The following PRKG1 variants were observed in gnomAD, a reference collection of about 807,000 sequenced individuals.
The protein encoded by PRKG1 is cGMP-dependent protein kinase 1.
Under a neutral mutation model 88.1 loss-of-function variants are expected in PRKG1, and 35 were observed. The observed-to-expected ratio is 0.40, with a 90% CI of 0.30 to 0.53. The LOEUF is 0.53. Ranked by LOEUF, PRKG1 falls within the 20% of genes least tolerant of loss-of-function variation. The probability of loss-of-function intolerance (pLI) is 0.59; values close to 1 mark genes in which losing one functional copy is unlikely to be tolerated. For missense variants in PRKG1, 540 were observed against 839.8 expected, an observed-to-expected ratio of 0.64 and a Z score of 4.41; for synonymous variants, 303 against 292.5, an observed-to-expected ratio of 1.04 and a Z score of -0.37.
intron 5 of PRKG1, among the ~76,000 whole-genome samples, chr10:52,038,992 T>C (rs1200655261): frequency 6.6e-6 from 1 of 152,150 alleles, no homozygotes; most frequent in Non-Finnish European, 1.5e-5. Context: ...AGATGTTCCT[T>C]GGGCTGGTCA....
At chr10:51,652,683 G>T (rs1286374792) in intron 3 of PRKG1, among the ~76,000 whole-genome samples, 4 of 152,042 alleles carry the variant, frequency 2.6e-5, no homozygotes, top group African/African-American at 7.2e-5. Context: ...AATACATTGT[G>T]GAGTGATTAA....
chr10:51,437,360 C>T (rs778172145), intron 2 of PRKG1, among the ~76,000 whole-genome samples: 17 of 152,076 alleles, frequency 1.1e-4, no homozygotes, highest in South Asian at 2.1e-4. Flanking sequence ...GATATACACA[C>T]GGGCAAACAT....
At chr10:51,514,850 T>C (rs1841531099) in intron 3 of PRKG1, among the ~76,000 whole-genome samples, 1 of 152,202 alleles carries the variant, frequency 6.6e-6, no homozygotes, top group South Asian at 2.1e-4. Context: ...GACTTAAGTC[T>C]AGGCACTGCA....
At chr10:51,621,953 G>A (rs952648330) in intron 3 of PRKG1, among the ~76,000 whole-genome samples, 23 of 152,284 alleles carry the variant, frequency 1.5e-4, no homozygotes, top group African/African-American at 5.5e-4. Context: ...AATCAAAGAT[G>A]ATTGAAATGT....
At chr10:51,257,727 G>T (rs1251768357) in intron 2 of PRKG1, among the ~76,000 whole-genome samples, 3 of 151,976 alleles carry the variant, frequency 2.0e-5, no homozygotes, top group African/African-American at 4.8e-5. Context: ...TAACTACCAG[G>T]ATTCAGTCTG....
intron 5 of PRKG1, among the ~76,000 whole-genome samples, chr10:51,997,551 T>C (rs1001252641): frequency 6.6e-6 from 1 of 152,004 alleles, no homozygotes; most frequent in African/African-American, 2.4e-5. Flanking sequence ...ACAGATTGTA[T>C]TCTAGAAAAA....
chr10:51,604,200 C>G (rs929793223), intron 3 of PRKG1, among the ~76,000 whole-genome samples: 4 of 151,540 alleles, frequency 2.6e-5, no homozygotes, highest in Admixed American at 1.3e-4. Flanking sequence ...GTATTCCAAG[C>G]CTTTAAAAGA....
At chr10:51,888,684 C>T (rs1841634947) in intron 4 of PRKG1, among the ~76,000 whole-genome samples, 2 of 152,182 alleles carry the variant, frequency 1.3e-5, no homozygotes, top group African/African-American at 4.8e-5. Flanking sequence ...AGAATTCCCA[C>T]TGCAGCTCTA....
chr10:51,168,271 G>A (rs1441904342), intron 2 of PRKG1, among the ~76,000 whole-genome samples: 1 of 152,020 alleles, frequency 6.6e-6, no homozygotes, highest in African/African-American at 2.4e-5. Flanking sequence ...CATGGTGTGT[G>A]GTATAGCAGC....
intron 9 of PRKG1, among the ~76,000 whole-genome samples, chr10:52,216,787 C>G (rs1022850521): frequency 6.6e-6 from 1 of 152,092 alleles, no homozygotes; most frequent in African/African-American, 2.4e-5. Flanking sequence ...ATCAAAATGT[C>G]TCTAAATTTT....
At chr10:52,059,147 A>C (rs1846176587) in intron 6 of PRKG1, among the ~76,000 whole-genome samples, 1 of 151,952 alleles carries the variant, frequency 6.6e-6, no homozygotes, top group African/African-American at 2.4e-5. Context: ...GCTAACTCTA[A>C]AAACAAAAAT....
At chr10:51,875,044 C>T (rs892043346) in intron 4 of PRKG1, among the ~76,000 whole-genome samples, 2 of 152,062 alleles carry the variant, frequency 1.3e-5, no homozygotes. Context: ...AATAATCATC[C>T]TTTTCCTCTT....
intron 3 of PRKG1, among the ~76,000 whole-genome samples, chr10:51,688,969 T>C (rs1403154899): frequency 1.3e-5 from 2 of 152,144 alleles, no homozygotes; most frequent in East Asian, 3.9e-4. Flanking sequence ...GCTGTTTTCA[T>C]GATAGTGAGT....
intron 2 of PRKG1, among the ~76,000 whole-genome samples, chr10:51,177,127 T>C (rs1837216131): frequency 6.6e-6 from 1 of 152,184 alleles, no homozygotes; most frequent in South Asian, 2.1e-4. Context: ...CCAGATGGCT[T>C]GGAGCACTTT....
At chr10:51,681,217 A>G (rs1045870855) in intron 3 of PRKG1, among the ~76,000 whole-genome samples, 8 of 152,306 alleles carry the variant, frequency 5.3e-5, no homozygotes, top group African/African-American at 1.9e-4. Context: ...ATTCAATTTC[A>G]TTAGTGACAG....
At chr10:51,417,490 G>T (rs925585111) in intron 2 of PRKG1, among the ~76,000 whole-genome samples, 2 of 152,180 alleles carry the variant, frequency 1.3e-5, no homozygotes, top group African/African-American at 4.8e-5. Context: ...GAATGTACAA[G>T]AGAAAATTAG....
intron 5 of PRKG1, among the ~76,000 whole-genome samples, chr10:52,053,129 G>A (rs961134012): frequency 2.0e-5 from 3 of 152,184 alleles, no homozygotes; most frequent in East Asian, 1.9e-4. Context: ...TGCAGGATGG[G>A]TTGGTGGTTG....
In PRKG1 at chr10:51,367,450, G is replaced by A. The variant is rs530303533; in HGVS notation, c.479-100273G>A. 3.4e-4 allele frequency among the ~76,000 whole-genome samples: 51 copies of A among 151,966 alleles called. No homozygotes were observed. The South Asian group carries it at 0.01, about 31-fold the overall frequency. ...GTGCGTATGTACAAATGCTGCTGAG[G>A]GAACATCTCTTATGATGCCCAGGGC... On this transcript the variant is annotated intron_variant, in intron 2 of 17. Coordinates refer to ENST00000373980, the MANE Select transcript of PRKG1 (RefSeq NM_006258.4).
At chr10:52,267,063 A>G (rs1212202690) in intron 10 of PRKG1, among the ~76,000 whole-genome samples, 2 of 152,018 alleles carry the variant, frequency 1.3e-5, no homozygotes, top group Non-Finnish European at 2.9e-5. Flanking sequence ...CATCATCATC[A>G]TCATCATCAT....
Sources: gnomAD v4.1 joint callset for allele counts (sites outside exome capture counted in the v4.1 genomes callset) on GRCh38, gnomAD v4.1.1 for gene constraint, MANE v1.5 for transcripts, NCBI Gene and HGNC (gene_info 2026-07-23, HGNC 2026-07-21) for gene names.